TTC6: variants seen among roughly 807,000 people sequenced by gnomAD.
The protein encoded by TTC6 is tetratricopeptide repeat domain 6, also known as tetratricopeptide repeat protein 6.
In TTC6, 172 loss-of-function variants were observed where a neutral mutation model predicts 210.4. The ratio of observed to expected loss-of-function variants is 0.82; its 90% CI spans 0.72 to 0.93. The LOEUF (loss-of-function observed/expected upper bound fraction) is 0.93, where lower values mean the gene tolerates loss of function less well. TTC6 is among the 40% of genes least tolerant of loss of function. The pLI is 0.00. For missense variants in TTC6, 2,414 were observed against 2,318.1 expected, an observed-to-expected ratio of 1.04 and a Z score of -0.85; for synonymous variants, 804 against 819.6, an observed-to-expected ratio of 0.98 and a Z score of 0.32.
At chr14:37,722,558 G>T (rs1197553569) in intron 6 of TTC6, among the ~76,000 whole-genome samples, 1 of 152,062 alleles carries the variant, frequency 6.6e-6, no homozygotes, top group Non-Finnish European at 1.5e-5. Flanking sequence ...GCTCAAGCTG[G>T]TCTTGAACTC....
chr14:37,808,896 A>G, intron 24 of TTC6, 50 bp downstream of exon 26: 1 of 917,118 alleles, frequency 1.1e-6, no homozygotes. Context: ...TTAATAAATA[A>G]CATGCATTTA....
rs2095694329 is a variant in TTC6 at position 37,642,725 on chromosome 14, T to C, written c.939+19722T>C. Among the ~76,000 whole-genome samples the C allele has an allele frequency of 2.0e-5, 3 of 152,174 alleles. No homozygotes were observed. In the South Asian group the frequency reaches 6.2e-4, roughly 32 times the overall value. ...TTTCATCATTGTATGAACATTGTAG[T>C]GTACTTACACAAACCTAGGCTAGAT... On this transcript the variant is annotated intron_variant, in intron 1 of 30. Transcript: ENST00000553443.
intron 14 of TTC6, among the ~76,000 whole-genome samples, chr14:37,759,630 G>A (rs908967589): frequency 1.3e-5 from 2 of 152,106 alleles, no homozygotes; most frequent in African/African-American, 2.4e-5. Context: ...TTACTTCCAG[G>A]TATACCAATC....
chr14:37,639,725 A>G (rs1303762595), intron 1 of TTC6, among the ~76,000 whole-genome samples: 1 of 150,214 alleles, frequency 6.7e-6, no homozygotes, highest in Non-Finnish European at 1.5e-5. Context: ...CAAAAAAAAA[A>G]AAAAAAAAAA....
chr14:37,648,403 T>A, intron 1 of TTC6, among the ~76,000 whole-genome samples: 1 of 152,232 alleles, frequency 6.6e-6, no homozygotes, highest in Non-Finnish European at 1.5e-5. Flanking sequence ...ATCTGAACTA[T>A]CCTTGGATTC....
In TTC6 at chr14:37,693,173, G is replaced by A. The variant is rs879299984; in HGVS notation, c.1258-3544G>A. ...CAAAAGACTCCACAAAAAACTATGA[G>A]AACTGATAAACAAATTTAGTAAAGT... On this transcript the variant is annotated intron_variant, in intron 3 of 30. Transcript: ENST00000553443. Among the ~76,000 whole-genome samples, 1,012 of 152,180 alleles carry A rather than the reference G, an allele frequency of 6.7e-3. 39 individuals are homozygous for A. In the East Asian group the frequency reaches 0.11, roughly 16 times the overall value.
At chr14:37,721,478 C>T (rs889697630) in intron 6 of TTC6, among the ~76,000 whole-genome samples, 1 of 152,014 alleles carries the variant, frequency 6.6e-6, no homozygotes, top group Non-Finnish European at 1.5e-5. Context: ...TGTTCAAAAG[C>T]TCAGTTTTTT....
At chr14:37,679,766 C>T (rs906305862) in intron 1 of TTC6, among the ~76,000 whole-genome samples, 1 of 152,130 alleles carries the variant, frequency 6.6e-6, no homozygotes, top group Non-Finnish European at 1.5e-5. Flanking sequence ...TCTCAGCTCA[C>T]TGCAACCTCT....
intron 10 of TTC6, among the ~76,000 whole-genome samples, chr14:37,741,635 C>G (rs1056008271): frequency 2.0e-5 from 3 of 152,108 alleles, no homozygotes; most frequent in African/African-American, 7.2e-5. Context: ...GTGCTTCTTA[C>G]CATTTTATGT....
At chr14:37,811,243 A>G (rs1212803509) in intron 24 of TTC6, among the ~76,000 whole-genome samples, 5 of 152,232 alleles carry the variant, frequency 3.3e-5, no homozygotes, top group African/African-American at 1.2e-4. Flanking sequence ...GTGACTTAGT[A>G]AAAGAAAAAT....
At chr14:37,682,786 T>C (rs1237406883) in exon 3 of TTC6, 2 of 1,535,574 alleles carry the variant, frequency 1.3e-6, no homozygotes, top group East Asian at 2.4e-5. Context: ...TCTGAAACCA[T>C]GTCAAGTATT....
intron 20 of TTC6, among the ~76,000 whole-genome samples, chr14:37,801,777 G>T (rs2096107227): frequency 6.6e-6 from 1 of 152,178 alleles, no homozygotes; most frequent in South Asian, 2.1e-4. Flanking sequence ...ATGCTGGTGA[G>T]GTTGCAGAGA....
exon 5 of TTC6, chr14:37,701,376 C>A: frequency 1.3e-6 from 2 of 1,522,604 alleles, no homozygotes; most frequent in South Asian, 2.4e-5. Context: ...GATCTGTGCA[C>A]CACCATCCCA....
chr14:37,723,458 TATGAGTTC>T (rs2095865718), intron 6 of TTC6, among the ~76,000 whole-genome samples: 1 of 152,176 alleles, frequency 6.6e-6, no homozygotes, highest in South Asian at 2.1e-4. Context: ...GTAAGCTAAA[TATGAGTTC>T]TTACTGATGC....
At chr14:37,684,915 A>G (rs189737374) in intron 3 of TTC6, among the ~76,000 whole-genome samples, 2 of 152,314 alleles carry the variant, frequency 1.3e-5, no homozygotes, top group Admixed American at 6.5e-5. Context: ...TAAAGGAACA[A>G]TGCAGGACTT....
chr14:37,791,433 A>G (rs1380110128), intron 16 of TTC6, among the ~76,000 whole-genome samples: 1 of 152,198 alleles, frequency 6.6e-6, no homozygotes, highest in East Asian at 1.9e-4. Context: ...AGAAGGATTT[A>G]TGAAAAGGGA....
chr14:37,768,438 G>A (rs2096006448), intron 14 of TTC6, among the ~76,000 whole-genome samples: 2 of 152,062 alleles, frequency 1.3e-5, no homozygotes, highest in Non-Finnish European at 2.9e-5. Flanking sequence ...CATGAGCATG[G>A]AATGTTCTTC....
chr14:37,758,616 C>T (rs556810428), intron 14 of TTC6, among the ~76,000 whole-genome samples: 24 of 152,066 alleles, frequency 1.6e-4, no homozygotes, highest in Admixed American at 1.4e-3. Context: ...TGTAGCACAC[C>T]GATGGGTCTT....
intron 7 of TTC6, among the ~76,000 whole-genome samples, chr14:37,729,224 ATACT>A (rs566678531): frequency 9.9e-5 from 15 of 152,280 alleles, no homozygotes; most frequent in South Asian, 2.1e-4. Context: ...ACTTAAGAAA[ATACT>A]TACATATTGT....
Sources: gnomAD v4.1 joint callset for allele counts (sites outside exome capture counted in the v4.1 genomes callset) on GRCh38, gnomAD v4.1.1 for gene constraint, MANE v1.5 for transcripts, NCBI Gene and HGNC (gene_info 2026-07-23, HGNC 2026-07-21) for gene names.